Variants in RPH3A observed in about 807,000 individuals in gnomAD.
RPH3A encodes the protein rabphilin 3A, also known as rabphilin-3A.
RPH3A carries 48 observed loss-of-function variants against 102.2 expected under a neutral mutation model. That is an observed-to-expected ratio of 0.47 (90% CI 0.37 to 0.60). The LOEUF (loss-of-function observed/expected upper bound fraction) is 0.60. Ranked by LOEUF, RPH3A falls within the 20% of genes least tolerant of loss-of-function variation. The pLI, the probability that RPH3A is intolerant of heterozygous loss-of-function variation, is 0.00. For synonymous variants in RPH3A, 310 were observed against 324.3 expected (o/e 0.96, Z 0.47); for missense variants, 781 against 910.1 (o/e 0.86, Z 1.83).
chr12:112,879,753 G>C (rs1250767593), intron 14 of RPH3A, among the ~76,000 whole-genome samples: 1 of 152,202 alleles, frequency 6.6e-6, no homozygotes, highest in African/African-American at 2.4e-5. Flanking sequence ...GCAAACCCCA[G>C]AAAGTAATTG....
intron 1 of RPH3A, among the ~76,000 whole-genome samples, chr12:112,769,902 C>G (rs1459937781): frequency 2.0e-5 from 3 of 152,152 alleles, no homozygotes; most frequent in Admixed American, 6.5e-5. Flanking sequence ...CCTGAAGTAT[C>G]CTGTCATATG....
chr12:112,617,780 G>A (rs773404540), intron 1 of RPH3A: 1 of 152,154 alleles, frequency 6.6e-6, no homozygotes, highest in African/African-American at 2.4e-5. Context: ...GCTCACTGCA[G>A]CCTCGACCCC....
chr12:112,854,166 C>G (rs576902037), intron 5 of RPH3A, among the ~76,000 whole-genome samples: 9 of 152,214 alleles, frequency 5.9e-5, no homozygotes, highest in Non-Finnish European at 1.3e-4. Context: ...TCTCTACCCT[C>G]TAAGATGCCT....
intron 1 of RPH3A, among the ~76,000 whole-genome samples, chr12:112,715,151 A>T (rs953225318): frequency 6.6e-6 from 1 of 152,218 alleles, no homozygotes; most frequent in Non-Finnish European, 1.5e-5. Context: ...AATTTCAAGC[A>T]TATGAGGTTT....
At chr12:112,858,542 G>A (rs938741235) in intron 5 of RPH3A, among the ~76,000 whole-genome samples, 3 of 152,130 alleles carry the variant, frequency 2.0e-5, no homozygotes, top group African/African-American at 7.2e-5. Context: ...TCTCTCTCTT[G>A]TGAGTTCTCA....
At chr12:112,585,915 A>G (rs2135960867) in intron 1 of RPH3A, among the ~76,000 whole-genome samples, 1 of 152,286 alleles carries the variant, frequency 6.6e-6, no homozygotes, top group Non-Finnish European at 1.5e-5. Context: ...GTGCTTGTTG[A>G]TATGCAGATT....
At chr12:112,596,474 A>G (rs1461940907) in intron 1 of RPH3A, among the ~76,000 whole-genome samples, 1 of 152,186 alleles carries the variant, frequency 6.6e-6, no homozygotes, top group Non-Finnish European at 1.5e-5. Flanking sequence ...TCAAACAACC[A>G]TTATTTTCCC....
chr12:112,780,924 C>T lies in RPH3A; in HGVS notation c.-139-11219C>T, dbSNP rs552007023. 4.6e-5 allele frequency among the ~76,000 whole-genome samples: 7 copies of T among 152,208 alleles called. No individual in the cohort carries two copies. The South Asian group carries it at 1.2e-3, about 27-fold the overall frequency. On this transcript the variant is annotated intron_variant, in intron 1 of 21. Coordinates refer to the RPH3A transcript ENST00000543106. ...ATCCCAGCACTTTGGGAGGCTGAGG[C>T]GGGTGGATCACCTGAGGTCAAGAGT...
chr12:112,820,396 A>AT (rs1347825376), intron 2 of RPH3A, among the ~76,000 whole-genome samples: 3 of 152,200 alleles, frequency 2.0e-5, no homozygotes, highest in Non-Finnish European at 2.9e-5. Flanking sequence ...TGGAGGCAGC[A>AT]TAGTAGAGTG....
chr12:112,896,994 C>G lies in RPH3A; in HGVS notation c.*214C>G, dbSNP rs2043189851. The G allele has an allele frequency of 3.7e-6, 2 of 545,704 alleles. No homozygotes were observed. The highest frequency in any genetic ancestry group is 1.9e-5 in the African/African-American group (1 of 53,096). 33.8% of individuals were successfully genotyped at this position (545,704 alleles called of 1,614,324 possible). ...TGTGGGCTCTGAATACAGCCCCTCT[C>G]TCATCCCTGGGATGGAGCAATGGGG... is the stretch of plus-strand genomic sequence containing the variant. On this transcript the variant is annotated 3_prime_UTR_variant, in exon 22 of 22. Coordinates refer to ENST00000389385, the MANE Select transcript of RPH3A (RefSeq NM_001143854.2).
chr12:112,755,293 GTA>G (rs538216124), intron 1 of RPH3A, among the ~76,000 whole-genome samples: 3,780 of 121,504 alleles, frequency 0.031, 177 homozygotes, highest in African/African-American at 0.12. Flanking sequence ...ATATATATAT[GTA>G]TATACACACA....
At chr12:112,857,218 A>C (rs934392129) in intron 5 of RPH3A, among the ~76,000 whole-genome samples, 6 of 152,106 alleles carry the variant, frequency 3.9e-5, no homozygotes, top group African/African-American at 1.4e-4. Context: ...TGCAGAGGAG[A>C]GCTAAAGTTG....
rs1158230534 is a variant in RPH3A, at chr12:112,640,325, C to CAAAAAAA, written c.-140+65041_-140+65047dup. On this transcript the variant is annotated intron_variant, in intron 1 of 21. Transcript: ENST00000543106. ...GGTCAACAAGAGCAAAACTCCATCT[C>CAAAAAAA]AAAAAAAAAAAAAAAAAAAAAAAAA... is the stretch of plus-strand genomic sequence containing the variant. Among the ~76,000 whole-genome samples the CAAAAAAA allele has an allele frequency of 2.8e-3, 39 of 14,076 alleles. 7 individuals are homozygous for CAAAAAAA. The highest frequency in any genetic ancestry group is 4.7e-3 in the Non-Finnish European group (17 of 3,596). The allele number at this position is 14,076 out of a possible 152,430, so 9.2% of individuals were successfully genotyped here. A position where few individuals can be genotyped will look rare whatever the true frequency, so the allele number is the denominator to read the frequency against.
At chr12:112,635,969 C>G (rs1036445507) in intron 1 of RPH3A, among the ~76,000 whole-genome samples, 5 of 151,866 alleles carry the variant, frequency 3.3e-5, no homozygotes, top group Non-Finnish European at 4.4e-5. Context: ...TTGTTATGTC[C>G]CAGGTAGAAC....
At chr12:112,843,618 G>A (rs1020145279) in intron 4 of RPH3A, among the ~76,000 whole-genome samples, 1 of 152,226 alleles carries the variant, frequency 6.6e-6, no homozygotes, top group Non-Finnish European at 1.5e-5. Flanking sequence ...CTTTAGGTCA[G>A]GCTGGCTCCT....
At chr12:112,663,892 A>T (rs1452676577) in intron 1 of RPH3A, among the ~76,000 whole-genome samples, 2 of 152,158 alleles carry the variant, frequency 1.3e-5, no homozygotes, top group Non-Finnish European at 2.9e-5. Context: ...TTACTAGAAC[A>T]TCCCAAAGAA....
upstream of RPH3A, among the ~76,000 whole-genome samples, chr12:112,788,264 T>C (rs929494520): frequency 5.9e-5 from 9 of 152,232 alleles, no homozygotes; most frequent in South Asian, 1.0e-3. Flanking sequence ...TATTTTTTAA[T>C]TTTGGTGCAA....
intron 1 of RPH3A, among the ~76,000 whole-genome samples, chr12:112,736,470 G>C (rs902715200): frequency 1.3e-5 from 2 of 152,152 alleles, no homozygotes; most frequent in Non-Finnish European, 2.9e-5. Flanking sequence ...ATCTTGCATT[G>C]GCCTGGCACA....
chr12:112,773,602 AG>A (rs1284774616), intron 1 of RPH3A, among the ~76,000 whole-genome samples: 1 of 151,034 alleles, frequency 6.6e-6, no homozygotes, highest in Non-Finnish European at 1.5e-5. Flanking sequence ...TGCAGAGGGT[AG>A]GGGTGTATTT....
Sources: allele counts gnomAD v4.1 joint callset (sites outside exome capture counted in the v4.1 genomes callset), GRCh38; gene constraint gnomAD v4.1.1; transcripts MANE v1.5; gene names NCBI Gene and HGNC (gene_info 2026-07-23, HGNC 2026-07-21).